The following AGBL1 variants were observed in gnomAD, a reference collection of about 807,000 sequenced individuals.
The protein encoded by AGBL1 is cytosolic carboxypeptidase 4.
Under a neutral mutation model 118.9 loss-of-function variants are expected in AGBL1, and 130 were observed. That is an observed-to-expected ratio of 1.09 (90% CI 0.95 to 1.26). The LOEUF is 1.26. Among genes scored for constraint, AGBL1 ranks in the 50% most tolerant of loss-of-function variants. The probability of loss-of-function intolerance (pLI) is 0.00; values close to 1 mark genes in which losing one functional copy is unlikely to be tolerated. For synonymous variants in AGBL1, 555 were observed against 478.9 expected (o/e 1.16, Z -2.08); for missense variants, 1,584 against 1,298.1 (o/e 1.22, Z -3.38).
intron 5 of AGBL1, among the ~76,000 whole-genome samples, chr15:86,200,512 T>G (rs746941433): frequency 6.6e-6 from 1 of 151,638 alleles, no homozygotes; most frequent in African/African-American, 2.4e-5. Flanking sequence ...TAGCACTTTT[T>G]AGTTGCATTA....
intron 17 of AGBL1, among the ~76,000 whole-genome samples, chr15:86,377,666 T>C (rs1991671): frequency 0.036 from 5,475 of 152,242 alleles, 326 homozygotes; most frequent in African/African-American, 0.12. Context: ...AGTACATTAA[T>C]CTAAGGCAGC....
At chr15:86,727,171 G>A (rs1024172856) in intron 22 of AGBL1, among the ~76,000 whole-genome samples, 7 of 152,152 alleles carry the variant, frequency 4.6e-5, no homozygotes, top group African/African-American at 1.7e-4. Flanking sequence ...GATGGCCAAA[G>A]AGGGAATGTG....
At chr15:86,941,496 C>A (rs1003294047) in intron 23 of AGBL1, among the ~76,000 whole-genome samples, 1 of 152,118 alleles carries the variant, frequency 6.6e-6, no homozygotes, top group Non-Finnish European at 1.5e-5. Flanking sequence ...AAGGAAGAGC[C>A]CTCTGCAGTG....
At position 86,368,164 on chromosome 15, in the gene AGBL1, C is replaced by T. The variant is rs1170881029; in HGVS notation, c.2375-29202C>T. On this transcript the variant is annotated intron_variant, in intron 17 of 22. Transcript: ENST00000614907. Reference sequence around the variant, plus strand: ...TGCATCCAGGAATAGCACCAAGATGCCATAGCCCTAATATCACCATGGGTA... The same window carrying T: ...TGCATCCAGGAATAGCACCAAGATGTCATAGCCCTAATATCACCATGGGTA... 2.0e-5 allele frequency among the ~76,000 whole-genome samples: 3 copies of T among 152,144 alleles called. No homozygotes were observed. The East Asian group carries it at 5.8e-4, about 29-fold the overall frequency.
intron 21 of AGBL1, among the ~76,000 whole-genome samples, chr15:86,634,887 C>G (rs899191801): frequency 2.0e-5 from 3 of 150,316 alleles, no homozygotes; most frequent in African/African-American, 7.4e-5. Flanking sequence ...ATAGCATAAT[C>G]TCTAAAAGAC....
At chr15:86,355,049 A>G (rs1440910836) in intron 17 of AGBL1, among the ~76,000 whole-genome samples, 2 of 152,192 alleles carry the variant, frequency 1.3e-5, no homozygotes, top group African/African-American at 4.8e-5. Flanking sequence ...AAATCTGAAT[A>G]AGGCCAAAGA....
chr15:86,940,015 G>A (rs1298524548), intron 23 of AGBL1, among the ~76,000 whole-genome samples: 1 of 148,234 alleles, frequency 6.7e-6, no homozygotes, highest in Non-Finnish European at 1.5e-5. Context: ...CCTAGTAGCT[G>A]GAACTACAGG....
chr15:86,393,528 G>A (rs1440103817), intron 17 of AGBL1, among the ~76,000 whole-genome samples: 1 of 152,132 alleles, frequency 6.6e-6, no homozygotes, highest in Non-Finnish European at 1.5e-5. Context: ...AATTCATCAA[G>A]CCTCTTTATT....
chr15:86,541,182 A>G (rs775511948), intron 19 of AGBL1, among the ~76,000 whole-genome samples: 23 of 152,232 alleles, frequency 1.5e-4, no homozygotes, highest in Non-Finnish European at 3.2e-4. Context: ...ATTAAACCTC[A>G]AACAATTATT....
intron 21 of AGBL1, among the ~76,000 whole-genome samples, chr15:86,653,404 A>T (rs191140328): frequency 2.4e-4 from 37 of 152,298 alleles, no homozygotes; most frequent in Admixed American, 1.2e-3. Context: ...TCTTTGTATT[A>T]TTCTCAAGCC....
At chr15:86,726,549 T>C (rs2086821675) in intron 22 of AGBL1, among the ~76,000 whole-genome samples, 1 of 152,162 alleles carries the variant, frequency 6.6e-6, no homozygotes, top group Non-Finnish European at 1.5e-5. Flanking sequence ...CTCTTAAAGT[T>C]GGTAGGTACT....
chr15:86,990,504 A>C (rs2081327713), intron 24 of AGBL1, among the ~76,000 whole-genome samples: 1 of 151,608 alleles, frequency 6.6e-6, no homozygotes, highest in Non-Finnish European at 1.5e-5. Context: ...ACAGAGCAAG[A>C]CTCCATCTCA....
At chr15:86,387,697 A>T (rs2081217440) in intron 17 of AGBL1, among the ~76,000 whole-genome samples, 1 of 152,230 alleles carries the variant, frequency 6.6e-6, no homozygotes, top group South Asian at 2.1e-4. Flanking sequence ...TCCAAAACTT[A>T]TCAGCTACAA....
intron 24 of AGBL1, among the ~76,000 whole-genome samples, chr15:87,002,637 G>A (rs2081452535): frequency 6.6e-6 from 1 of 152,048 alleles, no homozygotes; most frequent in Non-Finnish European, 1.5e-5. Context: ...ATTTGTTTGT[G>A]TCCTCCTTTA....
At chr15:86,464,822 T>A (rs1002299073) in intron 18 of AGBL1, among the ~76,000 whole-genome samples, 1 of 152,130 alleles carries the variant, frequency 6.6e-6, no homozygotes, top group Non-Finnish European at 1.5e-5. Flanking sequence ...CTTTTTAACA[T>A]GCTGCTGGAT....
At chr15:86,650,313 G>A (rs2085348979) in intron 21 of AGBL1, among the ~76,000 whole-genome samples, 1 of 152,140 alleles carries the variant, frequency 6.6e-6, no homozygotes, top group Non-Finnish European at 1.5e-5. Context: ...GAAAGTGAAA[G>A]TGGTGTTTCA....
intron 22 of AGBL1, among the ~76,000 whole-genome samples, chr15:86,861,331 T>G (rs1171116456): frequency 2.0e-5 from 3 of 152,336 alleles, no homozygotes; most frequent in African/African-American, 7.2e-5. Context: ...AATGATGATG[T>G]TAACCTGTAT....
chr15:86,787,696 C>G (rs2078433636), intron 22 of AGBL1, among the ~76,000 whole-genome samples: 2 of 152,126 alleles, frequency 1.3e-5, no homozygotes, highest in South Asian at 4.1e-4. Context: ...ATGAACATGA[C>G]AGCACAGATA....
At chr15:86,706,905 C>T (rs1430272981) in intron 22 of AGBL1, among the ~76,000 whole-genome samples, 1 of 152,038 alleles carries the variant, frequency 6.6e-6, no homozygotes, top group Non-Finnish European at 1.5e-5. Flanking sequence ...TCATCTATGA[C>T]ACAACACATT....
Sources: allele counts gnomAD v4.1 joint callset (sites outside exome capture counted in the v4.1 genomes callset), GRCh38; gene constraint gnomAD v4.1.1; transcripts MANE v1.5; gene names NCBI Gene and HGNC (gene_info 2026-07-23, HGNC 2026-07-21).